The following ALG1L2 variants were observed in gnomAD, a reference collection of about 807,000 sequenced individuals.
The protein encoded by ALG1L2 is putative glycosyltransferase ALG1L2.
Under a neutral mutation model 29.0 loss-of-function variants are expected in ALG1L2, and 32 were observed. The observed-to-expected ratio is 1.10, with a 90% CI of 0.83 to 1.48. The LOEUF (loss-of-function observed/expected upper bound fraction) is 1.48, where lower values mean the gene tolerates loss of function less well. Ranked by LOEUF, ALG1L2 falls within the 40% of genes most tolerant of loss-of-function variation. The pLI is 0.00. For synonymous variants in ALG1L2, 110 were observed against 109.5 expected, an observed-to-expected ratio of 1.00 and a Z score of -0.03; for missense variants, 318 against 274.1, an observed-to-expected ratio of 1.16 and a Z score of -1.13.
intron 4 of ALG1L2, 91 bp from the exon 5 acceptor site, chr3:130,094,312 G>T: frequency 4.7e-6 from 7 of 1,486,448 alleles, no homozygotes; most frequent in South Asian, 3.4e-5. Flanking sequence ...TCTGGGAAAA[G>T]GATCCCTCCT....
rs1415379514 is a variant in ALG1L2, at chr3:130,092,193, C to G, written c.224C>G (p.Ala75Gly). 2.5e-6 allele frequency: 4 copies of G among 1,611,760 alleles called. No individual in the cohort carries two copies. Among genetic ancestry groups the G allele is most frequent in the Non-Finnish European group, 3.4e-6 (4 of 1,179,404 alleles). The change falls in exon 3 of 8, where the codon GCC becomes GGC. Residue 75 changes from alanine (A) to glycine (G), a missense_variant. Coordinates refer to ENST00000425059, the MANE Select transcript of ALG1L2 (RefSeq NM_001136152.1). ...GLVTRLHERPALLVSSTSWTE... is the reference protein window; with the variant it reads ...GLVTRLHERPGLLVSSTSWTE... ...GTGACGCGTCTCCACGAGCGGCCAG[C>G]CCTGCTGGTCAGCAGCACAAGCTGG...
At chr3:130,087,959 G>A (rs1049582500) in intron 1 of ALG1L2, among the ~76,000 whole-genome samples, 1 of 152,288 alleles carries the variant, frequency 6.6e-6, no homozygotes, top group Non-Finnish European at 1.5e-5. Context: ...TGTGAATCCA[G>A]AATAATAAGC....
At chr3:130,092,069 G>A (rs747962857) in intron 2 of ALG1L2, 32 bp from the exon 3 acceptor site, 9 of 1,610,850 alleles carry the variant, frequency 5.6e-6, no homozygotes, top group Non-Finnish European at 7.6e-6. Context: ...CTGCTCTGTG[G>A]CCTCTCACAG....
chr3:130,093,458 ACT>A (rs757486030), intron 4 of ALG1L2, among the ~76,000 whole-genome samples: 14 of 143,652 alleles, frequency 9.7e-5, no homozygotes, highest in East Asian at 6.1e-4. Context: ...TGAGACAAAG[ACT>A]CTGTCGCCCA....
At chr3:130,091,064 C>T (rs1935002672) in intron 1 of ALG1L2, 197 bp from the exon 2 acceptor site, 3 of 588,904 alleles carry the variant, frequency 5.1e-6, no homozygotes, top group Non-Finnish European at 6.0e-6. Context: ...ACTTAAGTTT[C>T]CAGTTTGTAA....
At chr3:130,094,360 G>T in intron 4 of ALG1L2, 43 bp from the exon 5 acceptor site, 3 of 1,578,688 alleles carry the variant, frequency 1.9e-6, no homozygotes, top group Non-Finnish European at 2.6e-6. Context: ...ATGTGGCAGG[G>T]ACAGAGACGG....
chr3:130,093,214 G>A, intron 4 of ALG1L2, 54 bp downstream of exon 4: 1 of 1,569,590 alleles, frequency 6.4e-7, no homozygotes, highest in Non-Finnish European at 8.8e-7. Flanking sequence ...GGAGGGGGAG[G>A]GGCACACAGC....
chr3:130,091,351 G>T lies in ALG1L2; in HGVS notation c.111G>T (p.Thr37=), dbSNP rs191936561. 5 of 1,597,102 alleles carry T rather than the reference G, an allele frequency of 3.1e-6. No individual in the cohort carries two copies. In the African/African-American group the frequency reaches 4.0e-5, roughly 13 times the overall value. Residue 37 remains threonine, a synonymous_variant, in exon 2 of 8, where the codon ACG becomes ACT. Coordinates refer to ENST00000425059, the MANE Select transcript of ALG1L2 (RefSeq NM_001136152.1). Reference sequence around the variant, plus strand: ...GGCTCTTCATGAAGCTGGGCAGCACGCACTCTCCGTTCAGGGCCCGGTAGG... The same window carrying T: ...GGCTCTTCATGAAGCTGGGCAGCACTCACTCTCCGTTCAGGGCCCGGTAGG... ...QHRLFMKLGS[T]HSPFRARSEP...
intron 1 of ALG1L2, among the ~76,000 whole-genome samples, chr3:130,086,041 ACGGG>A (rs1186402229): frequency 3.3e-5 from 5 of 151,668 alleles, no homozygotes; most frequent in African/African-American, 1.2e-4. Context: ...ACTTTTGTTC[ACGGG>A]CCACCAGGAG....
intron 6 of ALG1L2, 87 bp from the exon 7 acceptor site, chr3:130,097,088 G>A (rs1210386905): frequency 6.4e-6 from 10 of 1,570,098 alleles, no homozygotes; most frequent in Middle Eastern, 2.3e-4. Flanking sequence ...TGGCTTGAGC[G>A]TGGGGTGGGT....
chr3:130,090,333 C>T (rs530520529), intron 1 of ALG1L2, among the ~76,000 whole-genome samples: 144 of 152,286 alleles, frequency 9.5e-4, no homozygotes, highest in East Asian at 5.4e-3. Flanking sequence ...CCAGCCTGGG[C>T]GACAGAGGGA....
intron 1 of ALG1L2, chr3:130,090,892 TG>T (rs1935000531): frequency 3.9e-6 from 1 of 253,830 alleles, no homozygotes; most frequent in South Asian, 4.8e-5. Flanking sequence ...CCCTGGTTCG[TG>T]CTTTAGCGAC....
intron 1 of ALG1L2, among the ~76,000 whole-genome samples, chr3:130,086,836 G>T (rs750428599): frequency 4.0e-5 from 6 of 150,874 alleles, no homozygotes; most frequent in Non-Finnish European, 7.4e-5. Flanking sequence ...CCACAAGTGG[G>T]CAGACTCTGA....
intron 1 of ALG1L2, among the ~76,000 whole-genome samples, chr3:130,090,456 G>T (rs1934992488): frequency 6.6e-6 from 1 of 152,306 alleles, no homozygotes; most frequent in Non-Finnish European, 1.5e-5. Flanking sequence ...ATTCCCCTGT[G>T]GTTCTCAGGC....
Position 130,098,301 on chromosome 3 carries a change from G to T in ALG1L2, c.*46G>T, listed in dbSNP as rs751647852. 6.3e-7 allele frequency: 1 copy of T among 1,596,426 alleles called. No individual in the cohort carries two copies. The highest frequency in any genetic ancestry group is 1.3e-5 in the African/African-American group (1 of 74,958). ...AGTTCCGGAAGAACCTGCGGGAGTC[G>T]CAGCAGCTCTGATGGGATGAGAGCT... is the stretch of plus-strand genomic sequence containing the variant. On this transcript the variant is annotated 3_prime_UTR_variant, in exon 8 of 8. Transcript: ENST00000425059.
In ALG1L2 at chr3:130,091,859, C is replaced by G. The variant is rs925375924; in HGVS notation, c.132-242C>G. ...ATCTTGGGTCCAGGGGATGACAAGACAGTAAGTCCTGTGGAGAAAAGGAAT... is the reference window on the plus strand; with the variant it reads ...ATCTTGGGTCCAGGGGATGACAAGAGAGTAAGTCCTGTGGAGAAAAGGAAT... On this transcript the variant is annotated intron_variant, in intron 2 of 7. Coordinates refer to ENST00000425059, the MANE Select transcript of ALG1L2 (RefSeq NM_001136152.1). The G allele has an allele frequency of 5.4e-6, 4 of 747,540 alleles. No individual in the cohort carries two copies. The African/African-American group carries it at 7.0e-5, about 13-fold the overall frequency. The allele number at this position is 747,540 out of a possible 1,614,324, so 46.3% of individuals were successfully genotyped here.
chr3:130,089,039 C>A (rs1203273544), intron 1 of ALG1L2, among the ~76,000 whole-genome samples: 45 of 152,360 alleles, frequency 3.0e-4, no homozygotes, highest in African/African-American at 1.1e-3. Context: ...GGCTAGCCAA[C>A]TTCTGGTATT....
intron 1 of ALG1L2, among the ~76,000 whole-genome samples, chr3:130,083,988 C>T (rs1436994840): frequency 1.3e-5 from 2 of 151,520 alleles, no homozygotes; most frequent in Admixed American, 6.6e-5. Context: ...GGAAATCCAG[C>T]ATTGAAGGAC....
At chr3:130,095,632 G>T (rs1467159104) in intron 5 of ALG1L2, among the ~76,000 whole-genome samples, 4 of 150,872 alleles carry the variant, frequency 2.7e-5, no homozygotes, top group Non-Finnish European at 4.4e-5. Context: ...AGTAGAGATG[G>T]GGTTTCACCA....
Sources: gnomAD v4.1 joint callset for allele counts (sites outside exome capture counted in the v4.1 genomes callset) on GRCh38, gnomAD v4.1.1 for gene constraint, MANE v1.5 for transcripts, NCBI Gene and HGNC (gene_info 2026-07-23, HGNC 2026-07-21) for gene names.